The following PCDHA7 variants were observed in gnomAD, a reference collection of about 807,000 sequenced individuals.
PCDHA7 encodes protocadherin alpha-7.
A neutral mutation model predicts 57.2 loss-of-function variants in PCDHA7; 37 were observed. That is an observed-to-expected ratio of 0.65 (90% CI 0.50 to 0.85). The LOEUF is 0.85. Among genes scored for constraint, PCDHA7 ranks in the 40% least tolerant of loss-of-function variants. PCDHA7 has a pLI of 0.00. For synonymous variants in PCDHA7, 553 were observed against 558.8 expected (o/e 0.99, Z 0.15); for missense variants, 1,188 against 1,241.8 (o/e 0.96, Z 0.65).
At chr5:140,849,456 G>C in intron 1 of PCDHA7, 2 of 1,587,320 alleles carry the variant, frequency 1.3e-6, no homozygotes, top group Non-Finnish European at 1.7e-6. Context: ...GATCCCAGTC[G>C]AGGCTGTCGA....
chr5:140,970,967 G>C (rs2096448125), intron 1 of PCDHA7, among the ~76,000 whole-genome samples: 2 of 152,206 alleles, frequency 1.3e-5, no homozygotes, highest in Non-Finnish European at 2.9e-5. Context: ...GCAGATTGTA[G>C]ATTAAGAAAA....
chr5:140,845,510 C>A (rs1779902484), intron 1 of PCDHA7, among the ~76,000 whole-genome samples: 3 of 149,534 alleles, frequency 2.0e-5, no homozygotes, highest in African/African-American at 7.3e-5. Context: ...AAACCTATTT[C>A]TTGTACATTA....
At chr5:140,902,615 G>A in intron 1 of PCDHA7, among the ~76,000 whole-genome samples, 1 of 152,010 alleles carries the variant, frequency 6.6e-6, no homozygotes, top group East Asian at 1.9e-4. Context: ...AGTTACATGG[G>A]TAAGTTATTT....
At chr5:140,852,885 A>AT (rs2150523673) in intron 1 of PCDHA7, 18,210 of 741,434 alleles carry the variant, frequency 0.025, 18 homozygotes, top group Non-Finnish European at 0.027. Context: ...CATAAAACGT[A>AT]TTTTTTTTTT....
rs2150529065 is a variant in PCDHA7, at chr5:140,853,159, G to A, written c.2355+16421G>A. On this transcript the variant is annotated intron_variant, in intron 1 of 3. Coordinates refer to ENST00000525929, the MANE Select transcript of PCDHA7 (RefSeq NM_018910.3). ...CTCCCAAAATGCTGGGATTACAGGC[G>A]TGAGCCACCGCGCCTGGCCTAAAAT... is the stretch of plus-strand genomic sequence containing the variant. The A allele has an allele frequency of 3.8e-5, 35 of 925,908 alleles. 4 individuals are homozygous for A. In the African/African-American group the frequency reaches 3.9e-4, roughly 10 times the overall value. 57.4% of individuals were successfully genotyped at this position (925,908 alleles called of 1,614,324 possible).
intron 1 of PCDHA7, among the ~76,000 whole-genome samples, chr5:140,936,673 A>G (rs77819967): frequency 0.018 from 2,748 of 152,254 alleles, 64 homozygotes; most frequent in South Asian, 0.1. Context: ...TGGACTGTCT[A>G]TTCTGTTTCA....
In PCDHA7 at chr5:140,836,312, G is replaced by T; in HGVS notation, c.1929G>T (p.Pro643=). The change falls in exon 1 of 4, where the codon CCG becomes CCT. Residue 643 remains proline (P), a synonymous_variant. Transcript: ENST00000525929. The part of the protein sequence containing the change: ...TTRALDETDA[P]RHRLLVLVKD... ...GAGCCCTAGATGAGACGGACGCACCGCGCCACCGCCTTCTGGTGCTTGTGA... is the reference window on the plus strand; with the variant it reads ...GAGCCCTAGATGAGACGGACGCACCTCGCCACCGCCTTCTGGTGCTTGTGA... The T allele has an allele frequency of 6.2e-7, 1 of 1,613,712 alleles. No homozygotes were observed. The highest frequency in any genetic ancestry group is 1.6e-4 in the Middle Eastern group (1 of 6,062).
chr5:140,962,825 G>A (rs962485906), intron 1 of PCDHA7, among the ~76,000 whole-genome samples: 1 of 152,194 alleles, frequency 6.6e-6, no homozygotes, highest in Non-Finnish European at 1.5e-5. Flanking sequence ...ATGACCATTT[G>A]TCTCTTTTTT....
At chr5:140,844,212 C>T (rs1554140567) in intron 1 of PCDHA7, among the ~76,000 whole-genome samples, 1 of 149,426 alleles carries the variant, frequency 6.7e-6, no homozygotes, top group African/African-American at 2.4e-5. Context: ...GTCTGGTAGT[C>T]ACAAATATCT....
intron 1 of PCDHA7, among the ~76,000 whole-genome samples, chr5:140,844,013 C>A (rs1015377164): frequency 2.0e-5 from 3 of 149,622 alleles, no homozygotes; most frequent in Non-Finnish European, 3.0e-5. Flanking sequence ...ACTCTAAGGA[C>A]GTTCAGGGCA....
At chr5:140,856,015 G>T (rs781811609) in intron 1 of PCDHA7, 3 of 1,550,260 alleles carry the variant, frequency 1.9e-6, no homozygotes, top group Non-Finnish European at 2.6e-6. Flanking sequence ...CTAGACCGCT[G>T]ATTCGTCGAT....
At chr5:140,858,645 T>C (rs2045537080) in intron 1 of PCDHA7, 1 of 818,880 alleles carries the variant, frequency 1.2e-6, no homozygotes, top group Non-Finnish European at 1.9e-6. Context: ...TGATTGGTAC[T>C]TAAATTTTTT....
At chr5:140,846,591 G>A (rs1236842497) in intron 1 of PCDHA7, among the ~76,000 whole-genome samples, 3 of 148,580 alleles carry the variant, frequency 2.0e-5, no homozygotes, top group African/African-American at 7.4e-5. Context: ...AGCCAGGATG[G>A]TCTCGATCTC....
intron 1 of PCDHA7, chr5:140,928,140 G>C (rs200493520): frequency 2.5e-5 from 41 of 1,614,036 alleles, no homozygotes; most frequent in Non-Finnish European, 3.2e-5. Context: ...TCCTGATCAC[G>C]GCCTCAGATA....
intron 1 of PCDHA7, among the ~76,000 whole-genome samples, chr5:140,924,252 G>C (rs1306870811): frequency 1.3e-5 from 2 of 152,214 alleles, no homozygotes; most frequent in African/African-American, 4.8e-5. Flanking sequence ...ATCCTGGTGA[G>C]ATCTAATGAG....
rs1554135453 is a variant in PCDHA7, at chr5:140,835,918, C to T, written c.1535C>T (p.Ala512Val). The T allele has an allele frequency of 1.9e-6, 3 of 1,612,332 alleles. No individual in the cohort carries two copies. Among genetic ancestry groups the T allele is most frequent in the Non-Finnish European group, 2.5e-6 (3 of 1,179,662 alleles). The change falls in exon 1 of 4, where the codon GCG (alanine) becomes GTG (valine). Residue 512 changes from alanine to valine, a missense_variant. Coordinates refer to ENST00000525929, the MANE Select transcript of PCDHA7 (RefSeq NM_018910.3). ...RALSSYVSVH[A>V]ESGKVYALQP... The stretch of plus-strand genomic sequence containing the variant: ...CTGTCGAGCTACGTGTCAGTGCACG[C>T]GGAGAGCGGCAAGGTGTACGCGCTG...
intron 1 of PCDHA7, among the ~76,000 whole-genome samples, chr5:140,839,243 C>T (rs12659980): frequency 0.58 from 88,501 of 151,692 alleles, 26,916 homozygotes; most frequent in African/African-American, 0.73. Context: ...TATTGCTTTG[C>T]TTTTATGCTT....
chr5:140,868,172 ATC>A (rs1554161787), intron 1 of PCDHA7: 1 of 152,152 alleles, frequency 6.6e-6, no homozygotes. Context: ...AAATTTTGAT[ATC>A]TCATATTATG....
intron 1 of PCDHA7, among the ~76,000 whole-genome samples, chr5:140,891,557 A>G (rs549418095): frequency 6.6e-6 from 1 of 151,608 alleles, no homozygotes; most frequent in Non-Finnish European, 1.5e-5. Flanking sequence ...TTATTTTAGT[A>G]CTCTAATTAA....
Sources: allele counts gnomAD v4.1 joint callset (sites outside exome capture counted in the v4.1 genomes callset), GRCh38; gene constraint gnomAD v4.1.1; transcripts MANE v1.5; gene names NCBI Gene and HGNC (gene_info 2026-07-23, HGNC 2026-07-21).